The following SUMF1 variants were observed in gnomAD, a reference collection of about 807,000 sequenced individuals.
The protein encoded by SUMF1 is sulfatase modifying factor 1.
SUMF1 carries 48 observed loss-of-function variants against 47.6 expected under a neutral mutation model. The observed-to-expected ratio is 1.01, with a 90% CI of 0.80 to 1.28. SUMF1 has a LOEUF of 1.28. Among genes scored for constraint, SUMF1 ranks in the 50% most tolerant of loss-of-function variants. The pLI is 0.00. For synonymous variants in SUMF1, 230 were observed against 192.1 expected (o/e 1.20, Z -1.63); for missense variants, 571 against 485.4 (o/e 1.18, Z -1.66).
chr3:4,399,974 CG>C (rs1433603867), intron 7 of SUMF1, among the ~76,000 whole-genome samples: 1 of 152,048 alleles, frequency 6.6e-6, no homozygotes, highest in African/African-American at 2.4e-5. Flanking sequence ...AGCCAGGCTA[CG>C]TGATCCGCCC....
intron 8 of SUMF1, among the ~76,000 whole-genome samples, chr3:4,116,820 A>G (rs906676371): frequency 1.3e-5 from 2 of 152,076 alleles, no homozygotes; most frequent in Non-Finnish European, 2.9e-5. Context: ...TCACTTCAAT[A>G]CTTACTGAGA....
chr3:4,362,838 T>C (rs1699811047), intron 8 of SUMF1, among the ~76,000 whole-genome samples: 1 of 151,988 alleles, frequency 6.6e-6, no homozygotes, highest in Admixed American at 6.6e-5. Context: ...CTCTTGAGCC[T>C]GGGTGTTTGA....
In SUMF1 at chr3:4,377,432, G is replaced by C. The variant is rs370855698; in HGVS notation, c.955-1043C>G. On this transcript the variant is annotated intron_variant, in intron 7 of 8. Transcript: ENST00000272902. ...ATTCTCCATCCAACCTTGGAGGTAG[G>C]TTAAGTTACTGGTAAAATAAGTGGC... 6.1e-4 allele frequency among the ~76,000 whole-genome samples: 93 copies of C among 152,270 alleles called. 2 individuals carry two copies. In the South Asian group the frequency reaches 0.019, roughly 32 times the overall value.
intron 8 of SUMF1, among the ~76,000 whole-genome samples, chr3:4,144,530 C>G (rs143639443): frequency 8.5e-5 from 13 of 152,242 alleles, no homozygotes; most frequent in African/African-American, 1.7e-4. Flanking sequence ...AATCTCCTTT[C>G]TTTCCAGTTT....
intron 8 of SUMF1, among the ~76,000 whole-genome samples, chr3:4,291,137 C>T (rs547667593): frequency 6.6e-5 from 10 of 152,154 alleles, no homozygotes; most frequent in African/African-American, 1.7e-4. Flanking sequence ...TAACTATTCC[C>T]GATAACTCTA....
In SUMF1 at chr3:4,165,870, C is replaced by A. The variant is rs71313811; in HGVS notation, c.1015-97125G>T. Among the ~76,000 whole-genome samples, 53 of 137,660 alleles carry A rather than the reference C, an allele frequency of 3.9e-4. 1 individual carries two copies. The highest frequency in any genetic ancestry group is 3.6e-3 in the South Asian group (14 of 3,844). The allele number at this position is 137,660 out of a possible 152,430, so 90.3% of individuals were successfully genotyped here. ...GTTTTGATTTGTTTGTTTCCCCCCC[C>A]CCCCCGAGCAAGAACCTGCAATGGT... On this transcript the variant is annotated intron_variant and NMD_transcript_variant, in intron 8 of 12. Transcript: ENST00000448413.
chr3:4,293,630 G>A (rs922151490), intron 8 of SUMF1, among the ~76,000 whole-genome samples: 10 of 152,064 alleles, frequency 6.6e-5, no homozygotes, highest in Admixed American at 6.6e-4. Context: ...AATAACATTC[G>A]AATGTCACAA....
At chr3:4,072,336 A>G (rs1038829542) in intron 8 of SUMF1, among the ~76,000 whole-genome samples, 1 of 152,218 alleles carries the variant, frequency 6.6e-6, no homozygotes, top group African/African-American at 2.4e-5. Context: ...GGTCACCAAC[A>G]TCAAAGACCA....
chr3:4,235,612 T>C (rs1696389776), intron 8 of SUMF1, among the ~76,000 whole-genome samples: 1 of 152,102 alleles, frequency 6.6e-6, no homozygotes, highest in South Asian at 2.1e-4. Context: ...TTAAGAGATA[T>C]ATCATAAAAC....
chr3:4,042,138 TAATAA>T (rs1208387484), intron 9 of SUMF1, among the ~76,000 whole-genome samples: 2 of 152,246 alleles, frequency 1.3e-5, no homozygotes, highest in African/African-American at 4.8e-5. Context: ...AAAATGGGAA[TAATAA>T]AACCTATCTT....
intron 3 of SUMF1, among the ~76,000 whole-genome samples, chr3:4,423,166 T>C (rs1179655043): frequency 6.6e-6 from 1 of 152,070 alleles, no homozygotes; most frequent in Non-Finnish European, 1.5e-5. Context: ...AGGAAGTCAT[T>C]ACATGAAAAA....
intron 2 of SUMF1, among the ~76,000 whole-genome samples, chr3:4,451,091 AAAAATAAAAT>A (rs140540152): frequency 6.6e-6 from 1 of 151,882 alleles, no homozygotes; most frequent in Admixed American, 6.6e-5. Context: ...AAATCAATAA[AAAAATAAAAT>A]AAAATAAATA....
intron 8 of SUMF1, among the ~76,000 whole-genome samples, chr3:4,305,445 A>C (rs1030281425): frequency 2.6e-5 from 4 of 152,168 alleles, no homozygotes; most frequent in African/African-American, 9.7e-5. Flanking sequence ...CAGAGGGAGC[A>C]GGTTGTAAAA....
chr3:4,051,511 A>T (rs1181275197), intron 9 of SUMF1, among the ~76,000 whole-genome samples: 2 of 152,152 alleles, frequency 1.3e-5, no homozygotes, highest in Non-Finnish European at 2.9e-5. Context: ...TCCCACTCCT[A>T]CTTATGCCTC....
At chr3:4,317,243 T>A (rs1698703111) in intron 8 of SUMF1, 1 of 1,529,332 alleles carries the variant, frequency 6.5e-7, no homozygotes, top group Non-Finnish European at 8.8e-7. Context: ...CCTATTTTGA[T>A]TAATAAAAAT....
intron 3 of SUMF1, among the ~76,000 whole-genome samples, chr3:4,445,159 G>A (rs150006927): frequency 6.6e-6 from 1 of 152,136 alleles, no homozygotes; most frequent in African/African-American, 2.4e-5. Context: ...TGTATCAATG[G>A]TCAGCTTTCT....
At chr3:4,175,874 G>A (rs7641072) in intron 8 of SUMF1, among the ~76,000 whole-genome samples, 7,269 of 152,186 alleles carry the variant, frequency 0.048, 471 homozygotes, top group East Asian at 0.18. Flanking sequence ...ACCATGGCAC[G>A]AGAACTTCAT....
At chr3:4,398,809 A>G (rs1268531787) in intron 7 of SUMF1, among the ~76,000 whole-genome samples, 1 of 152,216 alleles carries the variant, frequency 6.6e-6, no homozygotes, top group African/African-American at 2.4e-5. Context: ...CTTTATATTT[A>G]TAACAAGTCT....
chr3:4,130,491 T>C (rs1693761757), intron 8 of SUMF1, among the ~76,000 whole-genome samples: 1 of 152,176 alleles, frequency 6.6e-6, no homozygotes, highest in Admixed American at 6.5e-5. Context: ...AGTGGACCAT[T>C]ACACTGATGA....
Sources: allele counts gnomAD v4.1 joint callset (sites outside exome capture counted in the v4.1 genomes callset), GRCh38; gene constraint gnomAD v4.1.1; transcripts MANE v1.5; gene names NCBI Gene and HGNC (gene_info 2026-07-23, HGNC 2026-07-21).